Variants in BMPER observed in about 807,000 individuals in gnomAD.
The protein encoded by BMPER is BMP-binding endothelial regulator protein.
In BMPER, 45 loss-of-function variants were observed where a neutral mutation model predicts 87.3. The observed-to-expected ratio is 0.52, with a 90% confidence interval of 0.41 to 0.66. The LOEUF is 0.66. Ranked by LOEUF, BMPER falls within the 30% of genes least tolerant of loss-of-function variation. The pLI, the probability that BMPER is intolerant of heterozygous loss-of-function variation, is 0.00. For synonymous variants in BMPER, 326 were observed against 316.2 expected, an observed-to-expected ratio of 1.03 and a Z score of -0.33; for missense variants, 784 against 867.5, an observed-to-expected ratio of 0.90 and a Z score of 1.21.
In BMPER at chr7:34,006,563, CTT is replaced by C. The variant is rs141378764; in HGVS notation, c.576+31780_576+31781del. 1.3e-3 allele frequency among the ~76,000 whole-genome samples: 204 copies of C among 152,158 alleles called. 1 individual carries two copies. Among genetic ancestry groups the C allele is most frequent in the Middle Eastern group, 6.8e-3 (2 of 294 alleles). On this transcript the variant is annotated intron_variant, in intron 6 of 14. Transcript: ENST00000649409. ...AAATTGCTAATTTTTTATATTCTCT[CTT>C]GGGTGAAGCTGCTGCTTCCAGGAGC...
At chr7:34,151,110 A>G (rs571657150) in intron 14 of BMPER, among the ~76,000 whole-genome samples, 1 of 152,256 alleles carries the variant, frequency 6.6e-6, no homozygotes, top group African/African-American at 2.4e-5. Context: ...TCCACCATGC[A>G]TGAGGGAGCC....
intron 13 of BMPER, among the ~76,000 whole-genome samples, chr7:34,140,804 A>G (rs573826809): frequency 3.1e-4 from 47 of 152,360 alleles, no homozygotes; most frequent in African/African-American, 1.1e-3. Flanking sequence ...ATGGAATTTT[A>G]CAGAATTACA....
At chr7:33,991,701 G>T (rs949967532) in intron 6 of BMPER, among the ~76,000 whole-genome samples, 1 of 150,930 alleles carries the variant, frequency 6.6e-6, no homozygotes, top group African/African-American at 2.4e-5. Flanking sequence ...TCTTTTAATT[G>T]TGATGTTAGG....
intron 3 of BMPER, among the ~76,000 whole-genome samples, chr7:33,944,887 C>CT: frequency 6.6e-6 from 1 of 152,256 alleles, no homozygotes; most frequent in South Asian, 2.1e-4. Context: ...CATTCCTATT[C>CT]TTTAAGGCCA....
chr7:33,947,191 C>T (rs959359958), intron 3 of BMPER, among the ~76,000 whole-genome samples: 7 of 152,114 alleles, frequency 4.6e-5, no homozygotes, highest in Admixed American at 6.6e-5. Context: ...ATGGTTTTGG[C>T]AGCTTTTCTG....
At chr7:34,127,353 C>T (rs909510367) in intron 13 of BMPER, among the ~76,000 whole-genome samples, 1 of 152,142 alleles carries the variant, frequency 6.6e-6, no homozygotes, top group Non-Finnish European at 1.5e-5. Flanking sequence ...CTTCTATTGT[C>T]CCCCTACCGC....
chr7:34,105,189 A>T (rs774132178), intron 13 of BMPER, among the ~76,000 whole-genome samples: 1 of 152,128 alleles, frequency 6.6e-6, no homozygotes, highest in Non-Finnish European at 1.5e-5. Context: ...TTTGTATCTC[A>T]TCTCATTGAT....
At position 33,908,384 on chromosome 7, in the gene BMPER, G is replaced by A. The variant is rs942767733; in HGVS notation, c.219+1481G>A. On this transcript the variant is annotated intron_variant, in intron 2 of 14. Coordinates refer to ENST00000649409, the MANE Select transcript of BMPER (RefSeq NM_001365308.1). ...CAATATTAGTACTTATCAAGCTTAC[G>A]TATGTAGTTTGAGTTTTGTAAACTG... Among the ~76,000 whole-genome samples the A allele has an allele frequency of 2.6e-5, 4 of 152,220 alleles. 1 individual carries two copies. Among genetic ancestry groups the A allele is most frequent in the East Asian group, 1.9e-4 (1 of 5,180 alleles).
At chr7:34,084,636 A>G (rs998164515) in intron 12 of BMPER, among the ~76,000 whole-genome samples, 2 of 152,226 alleles carry the variant, frequency 1.3e-5, no homozygotes, top group African/African-American at 4.8e-5. Context: ...ACCTCAGAAG[A>G]CTTTTCATGA....
chr7:33,906,050 G>A (rs977673238), intron 1 of BMPER, among the ~76,000 whole-genome samples: 2 of 151,998 alleles, frequency 1.3e-5, no homozygotes, highest in African/African-American at 2.4e-5. Context: ...TCCCTCTGTA[G>A]AACTCAGGAA....
chr7:33,906,880 C>T lies in BMPER; in HGVS notation c.196C>T (p.Pro66Ser), dbSNP rs775759722. ...VLQIPFITDNPCIMCVCLNKE... is the reference protein window; with the variant it reads ...VLQIPFITDNSCIMCVCLNKE... ...CCAGATTCCATTTATCACAGACAAC[C>T]CTTGCATAATGTGTGTCTGCTTGGT... The change falls in exon 2 of 15, where the codon CCT becomes TCT. Residue 66 changes from proline (P) to serine (S), a missense_variant. By Grantham distance (74) the Pro-to-Ser change is moderately conservative. Transcript: ENST00000649409. 4 of 1,613,606 alleles carry T rather than the reference C, an allele frequency of 2.5e-6. No homozygotes were observed. The South Asian group carries it at 4.4e-5, about 18-fold the overall frequency.
At chr7:34,023,601 T>G (rs947843990) in intron 6 of BMPER, among the ~76,000 whole-genome samples, 1 of 152,056 alleles carries the variant, frequency 6.6e-6, no homozygotes, top group African/African-American at 2.4e-5. Flanking sequence ...CATCTTCAAA[T>G]CTTCTGAGGA....
At chr7:34,069,908 TTTC>T (rs1167658061) in intron 11 of BMPER, among the ~76,000 whole-genome samples, 1 of 152,206 alleles carries the variant, frequency 6.6e-6, no homozygotes, top group Non-Finnish European at 1.5e-5. Context: ...GCTGTCATTC[TTTC>T]TTCTTATCTC....
At chr7:33,976,831 C>G (rs891026599) in intron 6 of BMPER, among the ~76,000 whole-genome samples, 1 of 152,174 alleles carries the variant, frequency 6.6e-6, no homozygotes, top group Non-Finnish European at 1.5e-5. Context: ...ACAGGGGTCA[C>G]AAACCAAAAT....
chr7:34,057,511 G>A (rs1788315925), intron 9 of BMPER, among the ~76,000 whole-genome samples: 1 of 152,110 alleles, frequency 6.6e-6, no homozygotes, highest in Non-Finnish European at 1.5e-5. Flanking sequence ...ATTTTCAGTG[G>A]CTTGCCCATC....
chr7:34,070,696 G>A (rs1447508617), intron 11 of BMPER, among the ~76,000 whole-genome samples: 1 of 152,028 alleles, frequency 6.6e-6, no homozygotes, highest in Non-Finnish European at 1.5e-5. Flanking sequence ...GAAATGCTGG[G>A]TCAAGTAAAC....
chr7:33,937,515 T>TGG, intron 3 of BMPER, 127 bp downstream of exon 3: 1 of 413,972 alleles, frequency 2.4e-6, no homozygotes, highest in Non-Finnish European at 4.3e-6. Context: ...AGAAGTAGGG[T>TGG]GTGTGTGTGT....
In BMPER at chr7:34,009,412, A is replaced by C. The variant is rs1023616165; in HGVS notation, c.576+34628A>C. ...TGAGGGTGCTCTATTAGTGGAAGGG[A>C]GGACTTGCTTTTGGGGAAGAGTCTC... is the stretch of plus-strand genomic sequence containing the variant. On this transcript the variant is annotated intron_variant, in intron 6 of 14. Transcript: ENST00000649409. Among the ~76,000 whole-genome samples, 2 of 151,930 alleles carry C rather than the reference A, an allele frequency of 1.3e-5. 1 individual carries two copies. Among genetic ancestry groups the C allele is most frequent in the South Asian group, 4.1e-4 (2 of 4,830 alleles).
chr7:34,054,269 G>A (rs1562713144), intron 8 of BMPER, among the ~76,000 whole-genome samples: 1 of 151,898 alleles, frequency 6.6e-6, no homozygotes, highest in Admixed American at 6.6e-5. Flanking sequence ...CATAAAGCAC[G>A]CTCTCTCTCT....
Sources: gnomAD v4.1 joint callset for allele counts (sites outside exome capture counted in the v4.1 genomes callset) on GRCh38, gnomAD v4.1.1 for gene constraint, MANE v1.5 for transcripts, NCBI Gene and HGNC (gene_info 2026-07-23, HGNC 2026-07-21) for gene names.